THEMIS: variants seen among roughly 807,000 people sequenced by gnomAD.
THEMIS encodes protein THEMIS.
Under a neutral mutation model 52.6 loss-of-function variants are expected in THEMIS, and 37 were observed. The ratio of observed to expected loss-of-function variants is 0.70; its 90% CI spans 0.54 to 0.93. The LOEUF (loss-of-function observed/expected upper bound fraction) is 0.93, where lower values mean the gene tolerates loss of function less well. THEMIS is among the 40% of genes least tolerant of loss of function. THEMIS has a pLI of 0.00. For missense variants in THEMIS, 808 were observed against 763.1 expected, an observed-to-expected ratio of 1.06 and a Z score of -0.69; for synonymous variants, 292 against 272.7, an observed-to-expected ratio of 1.07 and a Z score of -0.70.
At chr6:127,717,939 A>G (rs1774228805) in intron 5 of THEMIS, among the ~76,000 whole-genome samples, 1 of 151,830 alleles carries the variant, frequency 6.6e-6, no homozygotes. Context: ...GAGAAAGCTC[A>G]GAAAAGGCCT....
intron 1 of THEMIS, among the ~76,000 whole-genome samples, chr6:127,874,647 A>G (rs1332245076): frequency 1.3e-5 from 2 of 152,228 alleles, no homozygotes; most frequent in Non-Finnish European, 2.9e-5. Context: ...TTCAAGAGTC[A>G]AGTGTACTAA....
At position 127,823,460 on chromosome 6, in the gene THEMIS, T is replaced by G. The variant is rs1778407387; in HGVS notation, c.709+6016A>C. Among the ~76,000 whole-genome samples the G allele has an allele frequency of 2.0e-5, 3 of 152,180 alleles. No homozygotes were observed. The South Asian group carries it at 6.2e-4, about 31-fold the overall frequency. On this transcript the variant is annotated intron_variant, in intron 3 of 5. Coordinates refer to ENST00000368248, the MANE Select transcript of THEMIS (RefSeq NM_001010923.3). ...CCCCTTGTTACCTAAAGAGGAGCTT[T>G]GTACTGTGAAACATAAATATACACG... is the stretch of plus-strand genomic sequence containing the variant.
In THEMIS at chr6:127,855,120, G is replaced by A. The variant is rs756655157; in HGVS notation, c.160C>T (p.Leu54Phe). Residue 54 changes from leucine to phenylalanine, a missense_variant, in exon 2 of 6, where the codon CTC becomes TTC. By Grantham distance (22) the Leu-to-Phe change is conservative (BLOSUM62 0). Transcript: ENST00000368248. Reference protein sequence around the residue: ...STGEVIKITGLKVKKIIAEIC... With the variant: ...STGEVIKITGFKVKKIIAEIC... ...TCAGCTATGATCTTCTTAACTTTGA[G>A]ACCAGTAATTTTAATCACTTCTCCT... The A allele has an allele frequency of 1.2e-6, 2 of 1,610,544 alleles. No individual in the cohort carries two copies. Among genetic ancestry groups the A allele is most frequent in the African/African-American group, 2.7e-5 (2 of 74,622 alleles).
intron 1 of THEMIS, among the ~76,000 whole-genome samples, chr6:127,892,247 C>T (rs1457490902): frequency 6.6e-6 from 1 of 152,204 alleles, no homozygotes; most frequent in Non-Finnish European, 1.5e-5. Flanking sequence ...ACCAAGCAAG[C>T]TCTTCAGTAG....
intron 4 of THEMIS, among the ~76,000 whole-genome samples, chr6:127,740,620 C>T (rs188241547): frequency 3.9e-5 from 6 of 152,132 alleles, no homozygotes; most frequent in East Asian, 1.9e-4. Context: ...GACATGAGAA[C>T]GTAAATAACG....
chr6:127,755,528 A>T (rs149497799), intron 4 of THEMIS, among the ~76,000 whole-genome samples: 3 of 152,274 alleles, frequency 2.0e-5, no homozygotes, highest in Non-Finnish European at 4.4e-5. Flanking sequence ...TTTTGCTATC[A>T]ACTTTACTAT....
intron 4 of THEMIS, among the ~76,000 whole-genome samples, chr6:127,732,270 A>AT (rs1774839912): frequency 6.6e-6 from 1 of 151,900 alleles, no homozygotes; most frequent in African/African-American, 2.4e-5. Flanking sequence ...AGGATTTCAA[A>AT]TTTTTGCCTT....
intron 4 of THEMIS, 30 bp from the exon 5 acceptor site, chr6:127,719,853 T>G: frequency 6.2e-7 from 1 of 1,607,840 alleles, no homozygotes. Flanking sequence ...AAGTAAATTA[T>G]CAGTCCAAAA....
At chr6:127,855,610 G>T (rs1408328167) in intron 1 of THEMIS, among the ~76,000 whole-genome samples, 6 of 151,876 alleles carry the variant, frequency 4.0e-5, no homozygotes, top group Admixed American at 3.9e-4. Context: ...AAGAGGGTCT[G>T]CACACCAGGG....
intron 3 of THEMIS, among the ~76,000 whole-genome samples, chr6:127,821,255 A>G (rs920636007): frequency 3.3e-5 from 5 of 151,932 alleles, no homozygotes; most frequent in African/African-American, 1.2e-4. Context: ...TTCCTCCCCC[A>G]AAAAAGACCA....
intron 4 of THEMIS, among the ~76,000 whole-genome samples, chr6:127,771,410 C>A (rs911224087): frequency 2.0e-5 from 3 of 152,072 alleles, no homozygotes; most frequent in Non-Finnish European, 4.4e-5. Flanking sequence ...CTGAAAAAAA[C>A]TACTTTAAAG....
At chr6:127,832,488 T>C (rs1778728338) in intron 2 of THEMIS, among the ~76,000 whole-genome samples, 1 of 152,222 alleles carries the variant, frequency 6.6e-6, no homozygotes. Context: ...GTTGTTTTAA[T>C]ATGATGCCAT....
At chr6:127,882,079 TA>T (rs1780502834) in intron 1 of THEMIS, among the ~76,000 whole-genome samples, 1 of 151,520 alleles carries the variant, frequency 6.6e-6, no homozygotes, top group South Asian at 2.1e-4. Flanking sequence ...AGTATGTAGC[TA>T]AAATTACTAT....
rs143582473 is a variant in THEMIS, at chr6:127,913,040, G to T, written c.-150+5388C>A. The stretch of plus-strand genomic sequence containing the variant: ...GATTGTTATGAATTACTTTTCTCAG[G>T]GGTCTGACTAGGATATTTTTCCATG... On this transcript the variant is annotated intron_variant, in intron 1 of 6. Transcript: ENST00000368250. 7.9e-4 allele frequency among the ~76,000 whole-genome samples: 121 copies of T among 152,204 alleles called. 1 individual carries two copies. Among genetic ancestry groups the T allele is most frequent in the African/African-American group, 2.8e-3 (117 of 41,548 alleles).
At chr6:127,783,237 C>T (rs1193647735) in intron 4 of THEMIS, among the ~76,000 whole-genome samples, 2 of 152,096 alleles carry the variant, frequency 1.3e-5, no homozygotes, top group Non-Finnish European at 2.9e-5. Context: ...CAAAAATTAA[C>T]TCAACATGGA....
At chr6:127,868,565 G>A (rs1368138482) in intron 1 of THEMIS, 2 of 715,206 alleles carry the variant, frequency 2.8e-6, no homozygotes, top group African/African-American at 3.8e-5. Flanking sequence ...GACCAGCTCA[G>A]GTGGATATGG....
intron 4 of THEMIS, among the ~76,000 whole-genome samples, chr6:127,741,103 A>G (rs1383115126): frequency 1.3e-5 from 2 of 152,208 alleles, no homozygotes; most frequent in African/African-American, 4.8e-5. Flanking sequence ...ATATTCAAAC[A>G]TAGTATCCAA....
chr6:127,799,004 A>G (rs950231007), intron 4 of THEMIS, among the ~76,000 whole-genome samples: 1 of 151,546 alleles, frequency 6.6e-6, no homozygotes, highest in Non-Finnish European at 1.5e-5. Flanking sequence ...AAAAAAAAAA[A>G]AAAAGAAAGA....
intron 1 of THEMIS, among the ~76,000 whole-genome samples, chr6:127,859,193 C>T (rs1276739384): frequency 1.3e-5 from 2 of 152,104 alleles, no homozygotes; most frequent in Non-Finnish European, 2.9e-5. Flanking sequence ...TGCCACTACA[C>T]CAGGCCACCC....
Sources: allele counts gnomAD v4.1 joint callset (sites outside exome capture counted in the v4.1 genomes callset), GRCh38; gene constraint gnomAD v4.1.1; transcripts MANE v1.5; gene names NCBI Gene and HGNC (gene_info 2026-07-23, HGNC 2026-07-21).